Variants in FMN1 observed in about 807,000 individuals in gnomAD.
The protein encoded by FMN1 is formin 1, also known as formin-1.
A neutral mutation model predicts 132.4 loss-of-function variants in FMN1; 110 were observed. The ratio of observed to expected loss-of-function variants is 0.83; its 90% CI spans 0.71 to 0.97. The LOEUF (loss-of-function observed/expected upper bound fraction) is 0.97, where lower values mean the gene tolerates loss of function less well. Ranked by LOEUF, FMN1 falls within the 50% of genes least tolerant of loss-of-function variation. FMN1 has a pLI of 0.00. For missense variants in FMN1, 1,792 were observed against 1,705.3 expected, an observed-to-expected ratio of 1.05 and a Z score of -0.90; for synonymous variants, 722 against 651.7, an observed-to-expected ratio of 1.11 and a Z score of -1.64.
chr15:32,981,123 A>T (rs1486905963), intron 7 of FMN1, among the ~76,000 whole-genome samples: 2 of 152,138 alleles, frequency 1.3e-5, no homozygotes, highest in Non-Finnish European at 2.9e-5. Context: ...TTTTTTCAAA[A>T]AATGTTTCCA....
At chr15:32,969,707 C>T (rs183042953) in intron 7 of FMN1, among the ~76,000 whole-genome samples, 50 of 152,216 alleles carry the variant, frequency 3.3e-4, no homozygotes, top group African/African-American at 1.1e-3. Flanking sequence ...CCTGAGCTCA[C>T]GGGAGATAAT....
chr15:32,985,426 T>TC (rs1255220446), intron 7 of FMN1, among the ~76,000 whole-genome samples: 3 of 152,168 alleles, frequency 2.0e-5, no homozygotes, highest in African/African-American at 7.2e-5. Flanking sequence ...CACTGATGTA[T>TC]CACTGTAGCA....
intron 6 of FMN1, among the ~76,000 whole-genome samples, chr15:33,018,331 T>C (rs2141000206): frequency 6.6e-6 from 1 of 152,170 alleles, no homozygotes; most frequent in Non-Finnish European, 1.5e-5. Flanking sequence ...AGCTTCAGGA[T>C]GGGGGCAGGA....
chr15:33,113,196 T>C (rs1045093956), intron 4 of FMN1, among the ~76,000 whole-genome samples: 1 of 152,172 alleles, frequency 6.6e-6, no homozygotes, highest in African/African-American at 2.4e-5. Context: ...TGTGATCATT[T>C]GTTAGGGGGT....
At chr15:33,030,771 A>G (rs1405484867) in intron 6 of FMN1, among the ~76,000 whole-genome samples, 1 of 152,244 alleles carries the variant, frequency 6.6e-6, no homozygotes, top group East Asian at 1.9e-4. Context: ...AATGTGTATT[A>G]TACATTAGAT....
At chr15:32,804,599 G>A (rs955979359) in intron 17 of FMN1, among the ~76,000 whole-genome samples, 6 of 151,322 alleles carry the variant, frequency 4.0e-5, no homozygotes, top group Non-Finnish European at 8.8e-5. Context: ...GTGCCATGTT[G>A]GTTTGCTGCA....
In FMN1 at chr15:33,020,187, A is replaced by AG. The variant is rs992786395; in HGVS notation, c.2162-12113dup. The stretch of plus-strand genomic sequence containing the variant: ...CTCAGACTTGTCACTGGCATCCGAA[A>AG]GGGGGGCAGTCTTGCAGGACGGAGC... On this transcript the variant is annotated intron_variant, in intron 6 of 20. Transcript: ENST00000616417. Among the ~76,000 whole-genome samples, 13 of 152,322 alleles carry AG rather than the reference A, an allele frequency of 8.5e-5. No individual in the cohort carries two copies. The East Asian group carries it at 1.5e-3, about 18-fold the overall frequency.
chr15:33,024,744 A>C (rs1312504789), intron 6 of FMN1, among the ~76,000 whole-genome samples: 1 of 152,236 alleles, frequency 6.6e-6, no homozygotes, highest in Non-Finnish European at 1.5e-5. Context: ...AAGCATTTAC[A>C]CATTAATACA....
At chr15:32,973,576 A>C (rs996201069) in intron 7 of FMN1, among the ~76,000 whole-genome samples, 507 of 147,150 alleles carry the variant, frequency 3.4e-3, no homozygotes, top group African/African-American at 0.011. Flanking sequence ...TCTGCCCCTC[A>C]CCCCCCCCAA....
chr15:32,946,937 A>C (rs986055799), intron 9 of FMN1, among the ~76,000 whole-genome samples: 3 of 152,178 alleles, frequency 2.0e-5, no homozygotes, highest in Admixed American at 6.6e-5. Context: ...TTCCACAAAC[A>C]TTTTGGATAA....
chr15:33,080,814 G>C (rs1329658400), intron 5 of FMN1, among the ~76,000 whole-genome samples: 4 of 152,030 alleles, frequency 2.6e-5, no homozygotes, highest in Non-Finnish European at 5.9e-5. Context: ...TTGAACCCAA[G>C]AGGCGGAGGT....
chr15:32,938,136 A>C (rs566350306), intron 9 of FMN1, among the ~76,000 whole-genome samples: 44 of 152,250 alleles, frequency 2.9e-4, no homozygotes, highest in Admixed American at 5.9e-4. Flanking sequence ...TTCACGTAGA[A>C]ACACATTACT....
At chr15:33,141,054 A>C (rs1963990046) in intron 4 of FMN1, among the ~76,000 whole-genome samples, 1 of 152,096 alleles carries the variant, frequency 6.6e-6, no homozygotes, top group African/African-American at 2.4e-5. Context: ...CAAATGTTGG[A>C]TGCTAATTAT....
intron 16 of FMN1, among the ~76,000 whole-genome samples, chr15:32,873,468 CTT>C (rs756789738): frequency 2.0e-5 from 3 of 152,208 alleles, no homozygotes; most frequent in African/African-American, 4.8e-5. Flanking sequence ...CTACCTCTCT[CTT>C]GAGTTATGGC....
chr15:33,078,004 A>C (rs984684922), intron 5 of FMN1, among the ~76,000 whole-genome samples: 1 of 152,106 alleles, frequency 6.6e-6, no homozygotes, highest in Admixed American at 6.5e-5. Flanking sequence ...GCTGGAGAGG[A>C]TGTGGAGAAA....
chr15:33,062,110 T>G (rs1469008380), intron 6 of FMN1, among the ~76,000 whole-genome samples: 1 of 152,078 alleles, frequency 6.6e-6, no homozygotes, highest in African/African-American at 2.4e-5. Flanking sequence ...AAAATGGTAA[T>G]TTTTAGGGAT....
chr15:33,113,380 A>G (rs1464559325), intron 4 of FMN1, among the ~76,000 whole-genome samples: 9 of 150,980 alleles, frequency 6.0e-5, no homozygotes, highest in African/African-American at 1.9e-4. Context: ...ATTTTTTTCA[A>G]TTAATAGTTC....
At chr15:33,099,236 A>G (rs2039200978) in intron 4 of FMN1, among the ~76,000 whole-genome samples, 1 of 152,218 alleles carries the variant, frequency 6.6e-6, no homozygotes, top group South Asian at 2.1e-4. Flanking sequence ...GGCTGCAGTG[A>G]GGCAAGATCG....
At chr15:33,016,648 T>C (rs1031110957) in intron 6 of FMN1, among the ~76,000 whole-genome samples, 2 of 152,190 alleles carry the variant, frequency 1.3e-5, no homozygotes, top group Admixed American at 6.5e-5. Context: ...GTAATGTTGA[T>C]CCAACACCTT....
Sources: gnomAD v4.1 joint callset for allele counts (sites outside exome capture counted in the v4.1 genomes callset) on GRCh38, gnomAD v4.1.1 for gene constraint, MANE v1.5 for transcripts, NCBI Gene and HGNC (gene_info 2026-07-23, HGNC 2026-07-21) for gene names.